SH3GL2: variants seen among roughly 807,000 people sequenced by gnomAD.
SH3GL2 encodes SH3 domain containing GRB2 like 2, endophilin A1, also known as endophilin-A1.
Under a neutral mutation model 46.0 loss-of-function variants are expected in SH3GL2, and 24 were observed. That is an observed-to-expected ratio of 0.52 (90% CI 0.38 to 0.73). The LOEUF is 0.73. SH3GL2 is among the 30% of genes least tolerant of loss of function. The pLI, the probability that SH3GL2 is intolerant of heterozygous loss-of-function variation, is 0.00. For synonymous variants in SH3GL2, 196 were observed against 147.1 expected (o/e 1.33, Z -2.40); for missense variants, 413 against 424.2 (o/e 0.97, Z 0.23).
chr9:17,586,367 T>C (rs1381654126), intron 1 of SH3GL2, among the ~76,000 whole-genome samples: 1 of 152,228 alleles, frequency 6.6e-6, no homozygotes, highest in East Asian at 1.9e-4. Context: ...TTTCTGCCTT[T>C]TTTTGAATTA....
intron 1 of SH3GL2, among the ~76,000 whole-genome samples, chr9:17,683,603 A>G (rs1242540609): frequency 6.6e-6 from 1 of 152,092 alleles, no homozygotes; most frequent in Non-Finnish European, 1.5e-5. Flanking sequence ...ATACCCAGGC[A>G]AACGGATCCT....
chr9:17,782,534 G>T (rs1823839741), intron 3 of SH3GL2, among the ~76,000 whole-genome samples: 1 of 152,090 alleles, frequency 6.6e-6, no homozygotes, highest in African/African-American at 2.4e-5. Context: ...AAGACTCAGT[G>T]GTAGCCTTGG....
At chr9:17,639,953 G>C (rs1194292934) in intron 1 of SH3GL2, among the ~76,000 whole-genome samples, 1 of 152,158 alleles carries the variant, frequency 6.6e-6, no homozygotes, top group Non-Finnish European at 1.5e-5. Context: ...AAGCAGATTA[G>C]TGATTGCCTG....
chr9:17,633,416 C>T (rs1819477086), intron 1 of SH3GL2, among the ~76,000 whole-genome samples: 1 of 152,156 alleles, frequency 6.6e-6, no homozygotes. Context: ...AACTGCTTAA[C>T]ATGTATTAAA....
chr9:17,785,085 A>AT (rs1823915043), intron 3 of SH3GL2, among the ~76,000 whole-genome samples: 1 of 152,032 alleles, frequency 6.6e-6, no homozygotes, highest in Admixed American at 6.6e-5. Context: ...TGAATTTTAT[A>AT]TTTTTTCCAG....
intron 1 of SH3GL2, among the ~76,000 whole-genome samples, chr9:17,639,707 A>G (rs1451518608): frequency 6.6e-6 from 1 of 152,216 alleles, no homozygotes; most frequent in Non-Finnish European, 1.5e-5. Context: ...GTGAATATTC[A>G]TGGCAGTGCT....
intron 1 of SH3GL2, among the ~76,000 whole-genome samples, chr9:17,708,476 A>G (rs1183868135): frequency 6.6e-6 from 1 of 151,994 alleles, no homozygotes; most frequent in Non-Finnish European, 1.5e-5. Flanking sequence ...TTGGCTTTTA[A>G]AAACATGTGA....
intron 1 of SH3GL2, among the ~76,000 whole-genome samples, chr9:17,620,269 C>T (rs1252581292): frequency 2.0e-5 from 3 of 152,104 alleles, no homozygotes; most frequent in Admixed American, 2.0e-4. Flanking sequence ...ATTCAGTAAA[C>T]ATTTATGGAG....
chr9:17,679,281 A>G (rs1465691444), intron 1 of SH3GL2, among the ~76,000 whole-genome samples: 1 of 152,122 alleles, frequency 6.6e-6, no homozygotes, highest in Admixed American at 6.5e-5. Flanking sequence ...ATGTTCTTCC[A>G]TTTGTTTGTT....
intron 1 of SH3GL2, among the ~76,000 whole-genome samples, chr9:17,650,051 A>C (rs1015614506): frequency 6.6e-6 from 1 of 152,220 alleles, no homozygotes; most frequent in Non-Finnish European, 1.5e-5. Context: ...TCCAACAAGG[A>C]TATCTTCCCT....
At chr9:17,783,193 C>T (rs10429636) in intron 3 of SH3GL2, among the ~76,000 whole-genome samples, 9,549 of 152,056 alleles carry the variant, frequency 0.063, 750 homozygotes, top group African/African-American at 0.18. Context: ...TCACAGCTAA[C>T]TAGCAAGATT....
intron 1 of SH3GL2, among the ~76,000 whole-genome samples, chr9:17,670,330 G>A (rs951978843): frequency 1.3e-5 from 2 of 152,130 alleles, no homozygotes; most frequent in African/African-American, 2.4e-5. Context: ...TTCTTGGGCT[G>A]CTTTTTGTTA....
At chr9:17,733,798 T>G (rs1390369496) in intron 1 of SH3GL2, among the ~76,000 whole-genome samples, 1 of 152,004 alleles carries the variant, frequency 6.6e-6, no homozygotes, top group Admixed American at 6.6e-5. Context: ...CTATAAAAAA[T>G]GATGAGTTCA....
At chr9:17,661,647 A>G (rs1820218092) in intron 1 of SH3GL2, among the ~76,000 whole-genome samples, 1 of 152,230 alleles carries the variant, frequency 6.6e-6, no homozygotes, top group African/African-American at 2.4e-5. Context: ...ATGGTACTAC[A>G]TAAATAAAAC....
intron 1 of SH3GL2, among the ~76,000 whole-genome samples, chr9:17,630,990 G>A (rs573234123): frequency 6.6e-6 from 1 of 151,944 alleles, no homozygotes; most frequent in South Asian, 2.1e-4. Flanking sequence ...AGGATGATGG[G>A]GAGGAGAGAT....
intron 2 of SH3GL2, among the ~76,000 whole-genome samples, chr9:17,747,367 G>A (rs1354217536): frequency 6.6e-6 from 1 of 152,192 alleles, no homozygotes; most frequent in Non-Finnish European, 1.5e-5. Flanking sequence ...AGGTCACGAT[G>A]AACTTTTTCT....
At chr9:17,608,367 C>T (rs538937337) in intron 1 of SH3GL2, among the ~76,000 whole-genome samples, 16 of 151,986 alleles carry the variant, frequency 1.1e-4, no homozygotes, top group Non-Finnish European at 1.5e-4. Context: ...GGGATGGTCT[C>T]GATCTCCTGA....
chr9:17,624,536 T>C (rs1289419680), intron 1 of SH3GL2, among the ~76,000 whole-genome samples: 2 of 152,080 alleles, frequency 1.3e-5, no homozygotes, highest in Non-Finnish European at 2.9e-5. Flanking sequence ...TATTTATTTA[T>C]TTTTTGTGTG....
chr9:17,652,383 T>C (rs1819977693), intron 1 of SH3GL2, among the ~76,000 whole-genome samples: 1 of 152,078 alleles, frequency 6.6e-6, no homozygotes, highest in Non-Finnish European at 1.5e-5. Context: ...CTTCTAGTCA[T>C]CTTTTTTATT....
Sources: gnomAD v4.1 joint callset for allele counts (sites outside exome capture counted in the v4.1 genomes callset) on GRCh38, gnomAD v4.1.1 for gene constraint, MANE v1.5 for transcripts, NCBI Gene and HGNC (gene_info 2026-07-23, HGNC 2026-07-21) for gene names.